RLIM: variants seen among roughly 807,000 people sequenced by gnomAD.
RLIM encodes E3 ubiquitin-protein ligase RLIM.
Under a neutral mutation model 34.0 loss-of-function variants are expected in RLIM, and 2 were observed. The observed-to-expected ratio is 0.06, with a 90% CI of 0.02 to 0.19. RLIM has a LOEUF of 0.19. RLIM is among the 10% of genes least tolerant of loss of function. The pLI, the probability that RLIM is intolerant of heterozygous loss-of-function variation, is 1.00. For missense variants in RLIM, 286 were observed against 479.7 expected (o/e 0.60, Z 3.77); for synonymous variants, 169 against 164.0 (o/e 1.03, Z -0.23).
At position 74,585,232 on chromosome X, in the gene RLIM, T is replaced by C. The variant is rs1397090817; in HGVS notation, c.*6208A>G. On this transcript the variant is annotated 3_prime_UTR_variant, in exon 4 of 4. Coordinates refer to ENST00000332687, the MANE Select transcript of RLIM (RefSeq NM_016120.4). ...CACATAAATCTTTCCAGGATTCTTGTATTGGAATATAATCTTTTATTTTAC... is the reference window on the plus strand; with the variant it reads ...CACATAAATCTTTCCAGGATTCTTGCATTGGAATATAATCTTTTATTTTAC... 1.8e-5 allele frequency: 2 copies of C among 112,267 alleles called. No individual in the cohort carries two copies. Among genetic ancestry groups the C allele is most frequent in the Non-Finnish European group, 3.8e-5 (2 of 53,302 alleles). The allele number at this position is 112,267 out of a possible 1,213,427, so 9.3% of individuals were successfully genotyped here. A position where few individuals can be genotyped will look rare whatever the true frequency, so the allele number is the denominator to read the frequency against.
chrX:74,585,210 A>G lies in RLIM; in HGVS notation c.*6230T>C, dbSNP rs1434273578. ...TGCGCCTACTTAAAATGTCATTCAC[A>G]TAAATCTTTCCAGGATTCTTGTATT... On this transcript the variant is annotated 3_prime_UTR_variant, in exon 4 of 4. Coordinates refer to ENST00000332687, the MANE Select transcript of RLIM (RefSeq NM_016120.4). The G allele has an allele frequency of 3.6e-5, 4 of 112,573 alleles. No homozygotes were observed. The East Asian group carries it at 1.1e-3, about 31-fold the overall frequency. 9.3% of individuals were successfully genotyped at this position (112,573 alleles called of 1,213,427 possible).
rs61752450 is a variant in RLIM at position 74,592,377 on chromosome X, C to G, written c.938G>C (p.Gly313Ala). Residue 313 changes from glycine (G) to alanine (A), a missense_variant, in exon 4 of 4, where the codon GGA becomes GCA. By Grantham distance (60) the Gly-to-Ala change is moderately conservative. Transcript: ENST00000332687. ...TAASGESTGS[G>A]QRPPTIVLDL... ...AAGGACTATGGTTGGAGGTCTCTGT[C>G]CTGATCCTGTAGATTCACCACTGGC... 2 of 1,211,741 alleles carry G rather than the reference C, an allele frequency of 1.7e-6. No individual in the cohort carries two copies. The highest frequency in any genetic ancestry group is 4.6e-4 in the Middle Eastern group (2 of 4,354).
Position 74,583,229 on chromosome X carries a change from A to C in RLIM, c.*8211T>G. ...ACTTGAGCATATGAAGAAGTTCTGA[A>C]TTATCAATCTCCAACAACACGCCAG... On this transcript the variant is annotated 3_prime_UTR_variant, in exon 4 of 4. Coordinates refer to ENST00000332687, the MANE Select transcript of RLIM (RefSeq NM_016120.4). 9.8e-7 allele frequency: 1 copy of C among 1,022,486 alleles called. No homozygotes were observed. The highest frequency in any genetic ancestry group is 3.0e-5 in the East Asian group (1 of 33,014). The allele number at this position is 1,022,486 out of a possible 1,213,427, so 84.3% of individuals were successfully genotyped here. A position where few individuals can be genotyped will look rare whatever the true frequency, so the allele number is the denominator to read the frequency against.
rs770171853 is a variant in RLIM at position 74,587,432 on chromosome X, CAT to C, written c.*4006_*4007del. ...CTTCTATGTACTTAATATGGTAAAA[CAT>C]GTGACAGGGAAGCCTGTAAGGTAAA... On this transcript the variant is annotated 3_prime_UTR_variant, in exon 4 of 4. Transcript: ENST00000332687. 4 of 110,452 alleles carry C rather than the reference CAT, an allele frequency of 3.6e-5. No homozygotes were observed. Among genetic ancestry groups the C allele is most frequent in the Middle Eastern group, 4.6e-3 (1 of 217 alleles). 9.1% of individuals were successfully genotyped at this position (110,452 alleles called of 1,213,427 possible).
chrX:74,606,894 G>GGGAGGT (rs1292150412), intron 1 of RLIM, among the ~76,000 whole-genome samples: 1 of 111,433 alleles, frequency 9.0e-6, no homozygotes, highest in Non-Finnish European at 1.9e-5. Context: ...CTAGCACTTT[G>GGGAGGT]GGAGGTCGAG....
chrX:74,608,739 C>T (rs1015738206), intron 1 of RLIM, among the ~76,000 whole-genome samples: 2 of 112,103 alleles, frequency 1.8e-5, no homozygotes, highest in Admixed American at 1.9e-4. Context: ...ACAACTTTTA[C>T]TAAAACGCTC....
At chrX:74,602,765 C>T (rs1303393618) in intron 1 of RLIM, among the ~76,000 whole-genome samples, 2 of 110,199 alleles carry the variant, frequency 1.8e-5, no homozygotes. Flanking sequence ...AAGTGAAACA[C>T]GAGTGAGAAG....
At position 74,585,933 on chromosome X, in the gene RLIM, G is replaced by C. The variant is rs1353661938; in HGVS notation, c.*5507C>G. On this transcript the variant is annotated 3_prime_UTR_variant, in exon 4 of 4. Coordinates refer to ENST00000332687, the MANE Select transcript of RLIM (RefSeq NM_016120.4). ...TACATCTATGTGCTTTGTGACCAAA[G>C]ACATAAAGGCAGCCTTTGTTACTGT... 1 of 111,927 alleles carries C rather than the reference G, an allele frequency of 8.9e-6. No homozygotes were observed. Among genetic ancestry groups the C allele is most frequent in the African/African-American group, 3.3e-5 (1 of 30,738 alleles). The allele number at this position is 111,927 out of a possible 1,213,427, so 9.2% of individuals were successfully genotyped here. A position where few individuals can be genotyped will look rare whatever the true frequency, so the allele number is the denominator to read the frequency against.
At chrX:74,601,528 A>C (rs946548019) in intron 1 of RLIM, among the ~76,000 whole-genome samples, 9 of 111,590 alleles carry the variant, frequency 8.1e-5, no homozygotes, top group African/African-American at 1.6e-4. Flanking sequence ...ACCCCCCCCC[A>C]AAAAGATTAA....
At chrX:74,595,059 T>C (rs929929177) in intron 2 of RLIM, among the ~76,000 whole-genome samples, 1 of 111,079 alleles carries the variant, frequency 9.0e-6, no homozygotes, top group African/African-American at 3.3e-5. Flanking sequence ...AAGTAAGTAA[T>C]TTTTAAGAAT....
In RLIM at chrX:74,590,231, GT is replaced by G. The variant is rs2079606565; in HGVS notation, c.*1208del. 4.5e-5 allele frequency: 5 copies of G among 111,868 alleles called. No homozygotes were observed. Among genetic ancestry groups the G allele is most frequent in the African/African-American group, 1.6e-4 (5 of 30,831 alleles). 9.2% of individuals were successfully genotyped at this position (111,868 alleles called of 1,213,427 possible). On this transcript the variant is annotated 3_prime_UTR_variant, in exon 4 of 4. Coordinates refer to ENST00000332687, the MANE Select transcript of RLIM (RefSeq NM_016120.4). ...TTTTTCATTTTTGAGGAGCAGACTT[GT>G]AAATTTAACTTGTGCTAGGTAGTAG...
chrX:74,601,637 G>C (rs1381544785), intron 1 of RLIM, among the ~76,000 whole-genome samples: 2 of 111,535 alleles, frequency 1.8e-5, no homozygotes, highest in Non-Finnish European at 3.8e-5. Flanking sequence ...GGTCAGACAT[G>C]GATATTTTTT....
intron 1 of RLIM, among the ~76,000 whole-genome samples, chrX:74,601,653 C>T (rs1462357530): frequency 1.8e-5 from 2 of 111,643 alleles, no homozygotes; most frequent in East Asian, 2.8e-4. Context: ...TTTTTAAATT[C>T]CACAGGTAAT....
intron 1 of RLIM, among the ~76,000 whole-genome samples, chrX:74,613,485 G>C (rs915286248): frequency 9.0e-6 from 1 of 110,655 alleles, no homozygotes; most frequent in Admixed American, 9.7e-5. Flanking sequence ...GTCTAGGGAA[G>C]GAACGTGGCT....
intron 1 of RLIM, among the ~76,000 whole-genome samples, chrX:74,597,552 A>G (rs1000171188): frequency 9.8e-5 from 11 of 112,253 alleles, no homozygotes; most frequent in Non-Finnish European, 1.5e-4. Context: ...AACCTGAAGC[A>G]GAATCTCATA....
chrX:74,587,443 G>A lies in RLIM; in HGVS notation c.*3997C>T, dbSNP rs1304583374. 9.0e-6 allele frequency: 1 copy of A among 110,993 alleles called. No individual in the cohort carries two copies. Among genetic ancestry groups the A allele is most frequent in the East Asian group, 2.8e-4 (1 of 3,546 alleles). The allele number at this position is 110,993 out of a possible 1,213,427, so 9.1% of individuals were successfully genotyped here. A position where few individuals can be genotyped will look rare whatever the true frequency, so the allele number is the denominator to read the frequency against. On this transcript the variant is annotated 3_prime_UTR_variant, in exon 4 of 4. Coordinates refer to ENST00000332687, the MANE Select transcript of RLIM (RefSeq NM_016120.4). ...TTAATATGGTAAAACATGTGACAGG[G>A]AAGCCTGTAAGGTAAAACTTAAAAA...
chrX:74,591,107 C>G lies in RLIM; in HGVS notation c.*333G>C. 4.9e-6 allele frequency: 1 copy of G among 205,090 alleles called. No homozygotes were observed. The highest frequency in any genetic ancestry group is 8.9e-6 in the Non-Finnish European group (1 of 112,181). The allele number at this position is 205,090 out of a possible 1,213,427, so 16.9% of individuals were successfully genotyped here. On this transcript the variant is annotated 3_prime_UTR_variant, in exon 4 of 4. Coordinates refer to ENST00000332687, the MANE Select transcript of RLIM (RefSeq NM_016120.4). Reference sequence around the variant, plus strand: ...TTATGGTGTGGGAAAATTTAAAGATCAACATGAAAAAGGAGCCATTGCTAA... The same window carrying G: ...TTATGGTGTGGGAAAATTTAAAGATGAACATGAAAAAGGAGCCATTGCTAA...
intron 1 of RLIM, among the ~76,000 whole-genome samples, chrX:74,599,719 A>G (rs1300203789): frequency 9.0e-6 from 1 of 111,600 alleles, no homozygotes; most frequent in Non-Finnish European, 1.9e-5. Flanking sequence ...TAGTCTCCAG[A>G]ACTGTGAAAG....
rs1393447485 is a variant in RLIM, at chrX:74,588,698, G to A, written c.*2742C>T. The A allele has an allele frequency of 8.9e-6, 1 of 111,828 alleles. No homozygotes were observed. The highest frequency in any genetic ancestry group is 1.9e-5 in the Non-Finnish European group (1 of 53,175). The allele number at this position is 111,828 out of a possible 1,213,427, so 9.2% of individuals were successfully genotyped here. A position where few individuals can be genotyped will look rare whatever the true frequency, so the allele number is the denominator to read the frequency against. ...CATGAAGTTCAAACTAGGTCTTAAA[G>A]ACAACTTTTCTGTACTTAAGAAAAA... On this transcript the variant is annotated 3_prime_UTR_variant, in exon 4 of 4. Coordinates refer to ENST00000332687, the MANE Select transcript of RLIM (RefSeq NM_016120.4).
Sources: allele counts gnomAD v4.1 joint callset (sites outside exome capture counted in the v4.1 genomes callset), GRCh38; gene constraint gnomAD v4.1.1; transcripts MANE v1.5; gene names NCBI Gene and HGNC (gene_info 2026-07-23, HGNC 2026-07-21).